The following HCRTR2 variants were observed in gnomAD, a reference collection of about 807,000 sequenced individuals.
HCRTR2 encodes hypocretin receptor 2, also known as orexin receptor type 2.
A neutral mutation model predicts 49.0 loss-of-function variants in HCRTR2; 22 were observed. The ratio of observed to expected loss-of-function variants is 0.45; its 90% confidence interval spans 0.32 to 0.64. HCRTR2 has a LOEUF of 0.64. HCRTR2 is among the 30% of genes least tolerant of loss of function. The pLI is 0.04. For synonymous variants in HCRTR2, 236 were observed against 205.3 expected (o/e 1.15, Z -1.28); for missense variants, 491 against 559.4 (o/e 0.88, Z 1.23).
At chr6:55,277,168 C>T (rs1767091599) in intron 4 of HCRTR2, among the ~76,000 whole-genome samples, 1 of 152,020 alleles carries the variant, frequency 6.6e-6, no homozygotes, top group Non-Finnish European at 1.5e-5. Context: ...GATGTTTTAA[C>T]TTTTTTTTCC....
chr6:55,171,734 T>C (rs1764952573), upstream of HCRTR2, among the ~76,000 whole-genome samples: 1 of 151,886 alleles, frequency 6.6e-6, no homozygotes, highest in Non-Finnish European at 1.5e-5. Flanking sequence ...ATCTTGAAAA[T>C]ATTTTCATTT....
At chr6:55,218,291 T>G (rs568275631) in intron 1 of HCRTR2, among the ~76,000 whole-genome samples, 2 of 152,056 alleles carry the variant, frequency 1.3e-5, no homozygotes, top group Admixed American at 1.3e-4. Flanking sequence ...CAAACCATAG[T>G]GATGTCACTA....
At chr6:55,211,669 G>C (rs1392903020) in intron 1 of HCRTR2, among the ~76,000 whole-genome samples, 1 of 151,966 alleles carries the variant, frequency 6.6e-6, no homozygotes, top group Non-Finnish European at 1.5e-5. Context: ...AGCCTTATTT[G>C]ATTTCTCTCA....
rs577934516 is a variant in HCRTR2, at chr6:55,251,685, G to C, written c.402+2868G>C. On this transcript the variant is annotated intron_variant, in intron 2 of 6. Transcript: ENST00000370862. Reference sequence around the variant, plus strand: ...TGCTTATCATCCAAATCTGTGATTTGGCAAAATTTTCATTTCTCCTTATAG... The same window carrying C: ...TGCTTATCATCCAAATCTGTGATTTCGCAAAATTTTCATTTCTCCTTATAG... Among the ~76,000 whole-genome samples the C allele has an allele frequency of 7.9e-5, 12 of 152,018 alleles. No homozygotes were observed. In the East Asian group the frequency reaches 2.3e-3, roughly 29 times the overall value.
chr6:55,146,627 A>G (rs540654087), intron 1 of HCRTR2, among the ~76,000 whole-genome samples: 4 of 151,380 alleles, frequency 2.6e-5, no homozygotes, highest in African/African-American at 9.7e-5. Flanking sequence ...TGACTGTTAC[A>G]ACCATGTTTG....
chr6:55,122,194 G>T (rs1425489169), intron 1 of HCRTR2, among the ~76,000 whole-genome samples: 13 of 152,114 alleles, frequency 8.5e-5, no homozygotes, highest in Admixed American at 2.6e-4. Context: ...AGTCTTGGGA[G>T]GGTGTATGTG....
chr6:55,283,303 A>G (rs1010708187), downstream of HCRTR2, among the ~76,000 whole-genome samples: 1 of 152,202 alleles, frequency 6.6e-6, no homozygotes, highest in African/African-American at 2.4e-5. Context: ...CAGTCTAGTG[A>G]GGGAGACATG....
intron 2 of HCRTR2, among the ~76,000 whole-genome samples, chr6:55,254,605 TACAAATA>T (rs1253487786): frequency 6.6e-6 from 1 of 152,148 alleles, no homozygotes; most frequent in African/African-American, 2.4e-5. Context: ...TGCACTGATG[TACAAATA>T]GCCCTTATTA....
At position 55,198,843 on chromosome 6, in the gene HCRTR2, G is replaced by T. The variant is rs1237901020; in HGVS notation, c.223+24033G>T. On this transcript the variant is annotated intron_variant, in intron 1 of 6. Coordinates refer to ENST00000370862, the MANE Select transcript of HCRTR2 (RefSeq NM_001384272.1). ...TCCCTAGTCCCCATACTGCCATCAG[G>T]ATCCAATCTGTCACTCACTCCAATC... Among the ~76,000 whole-genome samples, 5 of 152,178 alleles carry T rather than the reference G, an allele frequency of 3.3e-5. No individual in the cohort carries two copies. In the East Asian group the frequency reaches 9.6e-4, roughly 29 times the overall value.
At chr6:55,221,080 G>A (rs762456824) in intron 1 of HCRTR2, among the ~76,000 whole-genome samples, 1 of 152,114 alleles carries the variant, frequency 6.6e-6, no homozygotes, top group Non-Finnish European at 1.5e-5. Context: ...AGATAATTCT[G>A]TTTTCATGGG....
intron 1 of HCRTR2, among the ~76,000 whole-genome samples, chr6:55,210,054 C>G (rs1382057336): frequency 6.6e-6 from 1 of 152,024 alleles, no homozygotes; most frequent in East Asian, 1.9e-4. Context: ...CTACCTCATT[C>G]AAAGGGACCG....
intron 1 of HCRTR2, among the ~76,000 whole-genome samples, chr6:55,143,233 A>T (rs1764533711): frequency 6.6e-6 from 1 of 151,902 alleles, no homozygotes; most frequent in African/African-American, 2.4e-5. Context: ...CTGACTTCTT[A>T]TAGTATGTTC....
At chr6:55,174,494 C>G, upstream of HCRTR2, 1 of 1,075,578 alleles carries the variant, frequency 9.3e-7, no homozygotes, top group Admixed American at 1.7e-5. Context: ...CTTCTAGCCT[C>G]TCCGCGCAGC....
chr6:55,235,575 C>T lies in HCRTR2; in HGVS notation c.224-13064C>T, dbSNP rs988986077. ...CTGCTTAAGAAATGCTTATCTACTC[C>T]AACATCTTATCAATGGGAATTTTAT... On this transcript the variant is annotated intron_variant, in intron 1 of 6. Transcript: ENST00000370862. Among the ~76,000 whole-genome samples the T allele has an allele frequency of 7.2e-5, 11 of 152,084 alleles. No homozygotes were observed. In the East Asian group the frequency reaches 1.7e-3, roughly 24 times the overall value.
At chr6:55,205,058 G>A (rs1177477641) in intron 1 of HCRTR2, among the ~76,000 whole-genome samples, 1 of 152,132 alleles carries the variant, frequency 6.6e-6, no homozygotes, top group Non-Finnish European at 1.5e-5. Flanking sequence ...GATTACAGGT[G>A]TGAAACACTG....
chr6:55,159,406 A>T (rs965415162), intron 1 of HCRTR2, among the ~76,000 whole-genome samples: 1 of 152,184 alleles, frequency 6.6e-6, no homozygotes, highest in Non-Finnish European at 1.5e-5. Context: ...AAAGCTGAAA[A>T]TTCCAAAAAA....
chr6:55,230,940 G>A (rs946161114), intron 1 of HCRTR2, among the ~76,000 whole-genome samples: 1 of 151,912 alleles, frequency 6.6e-6, no homozygotes, highest in African/African-American at 2.4e-5. Flanking sequence ...CTGCGAGGAG[G>A]CAGTAAGAAG....
intron 1 of HCRTR2, among the ~76,000 whole-genome samples, chr6:55,115,419 C>A (rs1483947537): frequency 6.6e-6 from 1 of 151,350 alleles, no homozygotes; most frequent in African/African-American, 2.4e-5. Flanking sequence ...ATTTTCTAAA[C>A]TTCTGCTTAG....
At chr6:55,130,823 T>C (rs777992980) in intron 1 of HCRTR2, among the ~76,000 whole-genome samples, 1 of 151,904 alleles carries the variant, frequency 6.6e-6, no homozygotes, top group African/African-American at 2.4e-5. Flanking sequence ...AAATGACTTG[T>C]AAACACTACT....
Sources: gnomAD v4.1 joint callset for allele counts (sites outside exome capture counted in the v4.1 genomes callset) on GRCh38, gnomAD v4.1.1 for gene constraint, MANE v1.5 for transcripts, NCBI Gene and HGNC (gene_info 2026-07-23, HGNC 2026-07-21) for gene names.